ATOSA: variants seen among roughly 807,000 people sequenced by gnomAD.
ATOSA encodes the protein atos homolog A, also known as atos homolog protein A.
the ATOSA span, among the ~76,000 whole-genome samples, chr15:52,588,540 G>A: frequency 6.6e-6 from 1 of 152,142 alleles, no homozygotes; most frequent in Non-Finnish European, 1.5e-5. Flanking sequence ...CCGGGTTCAA[G>A]CGATTCTTCT....
At chr15:52,653,296 G>C in the ATOSA span, among the ~76,000 whole-genome samples, 1 of 152,168 alleles carries the variant, frequency 6.6e-6, no homozygotes, top group Non-Finnish European at 1.5e-5. Flanking sequence ...CAAATAGCAT[G>C]CAATTTCATA....
the ATOSA span, chr15:52,593,448 T>C: frequency 1.2e-6 from 1 of 826,460 alleles, no homozygotes; most frequent in South Asian, 2.4e-5. Flanking sequence ...TGAGGTAATA[T>C]TTTGGCATAT....
the ATOSA span, chr15:52,586,728 T>A: frequency 6.1e-6 from 1 of 164,018 alleles, no homozygotes; most frequent in East Asian, 1.9e-4. Flanking sequence ...TGTGTGGTCA[T>A]CTCATTAAAT....
the ATOSA span, among the ~76,000 whole-genome samples, chr15:52,628,891 T>C: frequency 1.3e-5 from 2 of 152,326 alleles, no homozygotes; most frequent in Admixed American, 6.5e-5. Context: ...TTTCACTCAA[T>C]TGTTAACAAA....
chr15:52,637,745 A>G, the ATOSA span, among the ~76,000 whole-genome samples: 1 of 152,218 alleles, frequency 6.6e-6, no homozygotes, highest in African/African-American at 2.4e-5. Context: ...AGCAGTTTAA[A>G]AGTCACTTAG....
the ATOSA span, among the ~76,000 whole-genome samples, chr15:52,642,351 T>C: frequency 3.9e-5 from 6 of 152,354 alleles, no homozygotes; most frequent in African/African-American, 1.2e-4. Context: ...AAACTAGCCC[T>C]GAGACCTTGG....
At chr15:52,590,334 C>A in the ATOSA span, among the ~76,000 whole-genome samples, 404 of 152,302 alleles carry the variant, frequency 2.7e-3, no homozygotes, top group African/African-American at 9.4e-3. Context: ...CCTGGTTTCA[C>A]ACTGCAACCG....
At chr15:52,671,775 C>G in the ATOSA span, among the ~76,000 whole-genome samples, 1 of 151,414 alleles carries the variant, frequency 6.6e-6, no homozygotes, top group Non-Finnish European at 1.5e-5. Flanking sequence ...CAAGGAGACA[C>G]CAATGTGATG....
the ATOSA span, among the ~76,000 whole-genome samples, chr15:52,687,297 C>T: frequency 4.6e-5 from 7 of 152,156 alleles, no homozygotes; most frequent in Non-Finnish European, 1.0e-4. Context: ...CCCACCTACT[C>T]CGGAGGCTGA....
At chr15:52,662,130 A>G in the ATOSA span, among the ~76,000 whole-genome samples, 1 of 152,136 alleles carries the variant, frequency 6.6e-6, no homozygotes, top group African/African-American at 2.4e-5. Context: ...GTGCTCTACC[A>G]CAATATACTG....
the ATOSA span, among the ~76,000 whole-genome samples, chr15:52,703,739 G>A: frequency 6.6e-6 from 1 of 152,106 alleles, no homozygotes; most frequent in Non-Finnish European, 1.5e-5. Context: ...AATACCTAAT[G>A]TAAATGACGA....
chr15:52,647,688 T>C, the ATOSA span, among the ~76,000 whole-genome samples: 1 of 152,124 alleles, frequency 6.6e-6, no homozygotes, highest in Non-Finnish European at 1.5e-5. Context: ...AGCTCAGCAT[T>C]TGCAGGGGTC....
the ATOSA span, among the ~76,000 whole-genome samples, chr15:52,596,256 G>C: frequency 1.3e-5 from 2 of 152,120 alleles, no homozygotes; most frequent in African/African-American, 4.8e-5. Context: ...TCCTCCAATC[G>C]ACCTGTATTA....
chr15:52,638,256 AAG>A, the ATOSA span, among the ~76,000 whole-genome samples: 1 of 152,244 alleles, frequency 6.6e-6, no homozygotes. Flanking sequence ...AGAATTGCTG[AAG>A]AGTTTGCCAC....
At chr15:52,613,124 T>C in the ATOSA span, among the ~76,000 whole-genome samples, 4 of 151,902 alleles carry the variant, frequency 2.6e-5, no homozygotes, top group South Asian at 2.1e-4. Context: ...TCCCAGCACT[T>C]TGGGAGGCTG....
the ATOSA span, chr15:52,609,600 T>C: frequency 6.2e-7 from 1 of 1,612,998 alleles, no homozygotes. Context: ...CATTGGTGTC[T>C]TCTGGGGAAC....
At chr15:52,678,183 AACT>A in the ATOSA span, 12 of 827,784 alleles carry the variant, frequency 1.4e-5, no homozygotes, top group Middle Eastern at 6.9e-4. Flanking sequence ...CTTGCAAGTA[AACT>A]ACTGTTAAGT....
chr15:52,688,312 G>A, the ATOSA span, among the ~76,000 whole-genome samples: 1 of 152,344 alleles, frequency 6.6e-6, no homozygotes, highest in South Asian at 2.1e-4. Context: ...GGTGGGGGAT[G>A]TGGTAGCAAA....
chr15:52,592,695 T>A, the ATOSA span, among the ~76,000 whole-genome samples: 1 of 152,214 alleles, frequency 6.6e-6, no homozygotes, highest in Admixed American at 6.5e-5. Context: ...AATCTCATAA[T>A]GTTTTAAGAA....
Sources: allele counts gnomAD v4.1 joint callset (sites outside exome capture counted in the v4.1 genomes callset), GRCh38; gene constraint gnomAD v4.1.1; transcripts MANE v1.5; gene names NCBI Gene and HGNC (gene_info 2026-07-23, HGNC 2026-07-21).